EML5: variants seen among roughly 807,000 people sequenced by gnomAD.
EML5 encodes the protein echinoderm microtubule-associated protein-like 5.
In EML5, 120 loss-of-function variants were observed where a neutral mutation model predicts 250.0. The ratio of observed to expected loss-of-function variants is 0.48; its 90% CI spans 0.41 to 0.56. The LOEUF is 0.56. Ranked by LOEUF, EML5 falls within the 20% of genes least tolerant of loss-of-function variation. The pLI is 0.00. For synonymous variants in EML5, 771 were observed against 806.5 expected, an observed-to-expected ratio of 0.96 and a Z score of 0.75; for missense variants, 2,006 against 2,437.6, an observed-to-expected ratio of 0.82 and a Z score of 3.73.
At chr14:88,767,074 G>A (rs1388283597) in intron 1 of EML5, among the ~76,000 whole-genome samples, 10 of 152,066 alleles carry the variant, frequency 6.6e-5, no homozygotes, top group Admixed American at 2.6e-4. Context: ...TGAGCACTTC[G>A]AATATTAAGT....
At chr14:88,650,349 G>C (rs1034679558) in intron 27 of EML5, among the ~76,000 whole-genome samples, 2 of 152,122 alleles carry the variant, frequency 1.3e-5, no homozygotes, top group Non-Finnish European at 2.9e-5. Context: ...AGTTACTCAG[G>C]AGGCTGAGGC....
In EML5 at chr14:88,620,772, C is replaced by T. The variant is rs1395422739; in HGVS notation, c.5357G>A (p.Cys1786Tyr). 2.5e-6 allele frequency: 4 copies of T among 1,597,912 alleles called. No homozygotes were observed. The highest frequency in any genetic ancestry group is 2.7e-5 in the African/African-American group (2 of 73,868). The change falls in exon 39 of 44, where the codon TGT becomes TAT. Residue 1786 changes from cysteine to tyrosine, a missense_variant. Cys to Tyr is a radical substitution (Grantham distance 194). Coordinates refer to ENST00000554922, the MANE Select transcript of EML5 (RefSeq NM_183387.3). The surrounding 1 kb of genome is among the most constrained non-coding windows in gnomAD (Gnocchi z 4.3). ...CACTAACCTGATATCATGGATTGCA[C>T]ATCTCCTGTCTCTCTTCTTTCCCCA... ...KIWGKKRDRR[C>Y]AIHDIRFSPD...
At position 88,687,325 on chromosome 14, in the gene EML5, C is replaced by G. The variant is rs775589897; in HGVS notation, c.2745G>C (p.Gly915=). 1.3e-6 allele frequency: 2 copies of G among 1,581,544 alleles called. No individual in the cohort carries two copies. The highest frequency in any genetic ancestry group is 4.5e-5 in the East Asian group (2 of 44,416). Residue 915 remains glycine, a splice_region_variant and synonymous_variant, in exon 19 of 44, where the codon GGG becomes GGC. Transcript: ENST00000554922. ...PVFSMHALEK[G]FVTGGKDGIV... is the part of the protein sequence containing the mutation. ...TACCATCTTTTCCTCCAGTTACAAA[C>G]CCCTATGGAAAAAAAAAGGTTCAAG...
At chr14:88,724,580 C>T (rs2093639026) in intron 8 of EML5, among the ~76,000 whole-genome samples, 1 of 151,154 alleles carries the variant, frequency 6.6e-6, no homozygotes, top group Non-Finnish European at 1.5e-5. Context: ...AAAAAAAAAT[C>T]ACTACTTTTG....
At chr14:88,790,161 A>G (rs1425652847) in intron 1 of EML5, among the ~76,000 whole-genome samples, 2 of 152,188 alleles carry the variant, frequency 1.3e-5, no homozygotes, top group East Asian at 3.8e-4. Context: ...AAATGTCCAG[A>G]GCCCTTTCAC....
Position 88,690,935 on chromosome 14 carries a change from T to C in EML5, c.2540-2462A>G, listed in dbSNP as rs549061268. Among the ~76,000 whole-genome samples, 6 of 152,288 alleles carry C rather than the reference T, an allele frequency of 3.9e-5. No individual in the cohort carries two copies. The East Asian group carries it at 9.6e-4, about 24-fold the overall frequency. ...TGCCACTACCTGTTTTTGTACAATG[T>C]CCACTAGAGCAGGTTAGCACTCTGA... On this transcript the variant is annotated intron_variant, in intron 17 of 43. Coordinates refer to ENST00000554922, the MANE Select transcript of EML5 (RefSeq NM_183387.3).
At chr14:88,726,451 T>C in intron 8 of EML5, 90 bp downstream of exon 8, 1 of 1,084,918 alleles carries the variant, frequency 9.2e-7, no homozygotes, top group Non-Finnish European at 1.2e-6. Flanking sequence ...ACAACAAGTA[T>C]TATATATTCT....
At chr14:88,749,283 A>G (rs1483178241) in intron 2 of EML5, among the ~76,000 whole-genome samples, 2 of 152,222 alleles carry the variant, frequency 1.3e-5, no homozygotes, top group African/African-American at 2.4e-5. Flanking sequence ...ATGGACAAAC[A>G]GTTTAAAGTG....
In EML5 at chr14:88,618,305, A is replaced by G. The variant is rs1443551099; in HGVS notation, c.5565T>C (p.His1855=). 4 of 1,613,676 alleles carry G rather than the reference A, an allele frequency of 2.5e-6. No homozygotes were observed. The highest frequency in any genetic ancestry group is 2.2e-5 in the East Asian group (1 of 44,870). ...LQVSSGCYKR[H]VYEVPSGKHL... ...GTTTTCCTGAAGGCACTTCATAGAC[A>G]TGCCGTTTATAGCAGCCACTAGAGA... Residue 1855 remains histidine (H), a synonymous_variant, in exon 41 of 44, where the codon CAT becomes CAC. Coordinates refer to ENST00000554922, the MANE Select transcript of EML5 (RefSeq NM_183387.3).
intron 41 of EML5, 161 bp from the exon 42 acceptor site, chr14:88,617,040 G>T: frequency 1.9e-6 from 1 of 517,940 alleles, no homozygotes; most frequent in Non-Finnish European, 3.3e-6. Context: ...ATTTCATCAG[G>T]ATATCAACTC....
In EML5 at chr14:88,658,207, A is replaced by G; in HGVS notation, c.3857T>C (p.Ile1286Thr). Reference sequence around the variant, plus strand: ...CGTACCCCCATCTTCTTCAGAATCAATGTCGGATTCTTCACTATCACAAGG... The same window carrying G: ...CGTACCCCCATCTTCTTCAGAATCAGTGTCGGATTCTTCACTATCACAAGG... ...KRPCDSEESD[I>T]DSEEDGGYDS... is the part of the protein sequence containing the mutation. Residue 1286 changes from isoleucine to threonine, a missense_variant, in exon 26 of 44, where the codon ATT becomes ACT. Ile to Thr is a moderately conservative substitution (Grantham distance 89). This residue lies in a region of EML5 where 1,375 missense variants were observed against 1,590.3 expected (regional missense o/e 0.86). Transcript: ENST00000554922. 6.2e-7 allele frequency: 1 copy of G among 1,613,746 alleles called. No individual in the cohort carries two copies. Among genetic ancestry groups the G allele is most frequent in the Non-Finnish European group, 8.5e-7 (1 of 1,179,764 alleles).
At chr14:88,625,332 T>C (rs2089757009) in intron 35 of EML5, 1 of 540,394 alleles carries the variant, frequency 1.9e-6, no homozygotes, top group Admixed American at 3.4e-5. Context: ...TCCAAGTCTG[T>C]TGCTTATTAG....
intron 21 of EML5, 81 bp downstream of exon 21, chr14:88,681,809 G>T: frequency 7.1e-7 from 1 of 1,404,960 alleles, no homozygotes; most frequent in Non-Finnish European, 9.4e-7. Flanking sequence ...TTTAAAATGT[G>T]CCTAGTTTTG....
chr14:88,640,484 A>T (rs927067118), intron 31 of EML5, among the ~76,000 whole-genome samples: 8 of 152,110 alleles, frequency 5.3e-5, no homozygotes, highest in South Asian at 2.1e-4. Context: ...GCAAAAATTT[A>T]AAAAAAATCT....
At chr14:88,627,073 G>A (rs780408575) in intron 34 of EML5, 27 bp from the exon 35 acceptor site, 1 of 1,607,700 alleles carries the variant, frequency 6.2e-7, no homozygotes, top group East Asian at 2.2e-5. Context: ...AAATTATCTA[G>A]GTTATTACAA....
At chr14:88,769,104 G>C (rs891111139) in intron 1 of EML5, among the ~76,000 whole-genome samples, 2 of 152,126 alleles carry the variant, frequency 1.3e-5, no homozygotes, top group African/African-American at 2.4e-5. Flanking sequence ...TAGCATATCT[G>C]AGCTATTAAA....
rs2087329685 is a variant in EML5, at chr14:88,614,798, T to C, written c.*1020A>G. On this transcript the variant is annotated 3_prime_UTR_variant, in exon 44 of 44. Coordinates refer to ENST00000554922, the MANE Select transcript of EML5 (RefSeq NM_183387.3). Reference sequence around the variant, plus strand: ...ATTCTAACTGACAAGTTTTTACAAATGGAGTTGGGCTCATTCATTTTGGAA... The same window carrying C: ...ATTCTAACTGACAAGTTTTTACAAACGGAGTTGGGCTCATTCATTTTGGAA... 1 of 152,188 alleles carries C rather than the reference T, an allele frequency of 6.6e-6. No homozygotes were observed. Among genetic ancestry groups the C allele is most frequent in the African/African-American group, 2.4e-5 (1 of 41,452 alleles). 9.4% of individuals were successfully genotyped at this position (152,188 alleles called of 1,614,324 possible).
At chr14:88,774,659 C>T (rs903674848) in intron 1 of EML5, among the ~76,000 whole-genome samples, 5 of 152,146 alleles carry the variant, frequency 3.3e-5, no homozygotes, top group Admixed American at 6.6e-5. Flanking sequence ...TGGTTTTTCT[C>T]GTGTTTCTCT....
rs550772637 is a variant in EML5, at chr14:88,729,569, T to G, written c.1050-2891A>C. 2.8e-3 allele frequency among the ~76,000 whole-genome samples: 425 copies of G among 150,322 alleles called. 18 individuals are homozygous for G. In the South Asian group the frequency reaches 0.071, roughly 25 times the overall value. ...CATATACTTATTTGGTTTTTTGTTT[T>G]TTGTTTTTTTGAGACAGAGTCTCAC... On this transcript the variant is annotated intron_variant, in intron 7 of 43. Coordinates refer to ENST00000554922, the MANE Select transcript of EML5 (RefSeq NM_183387.3).
Sources: gnomAD v4.1 joint callset for allele counts (sites outside exome capture counted in the v4.1 genomes callset) on GRCh38, gnomAD v4.1.1 for gene constraint, gnomAD v4.1.1 regional missense constraint, Gnocchi (gnomAD v3.1) non-coding constraint, MANE v1.5 for transcripts, NCBI Gene and HGNC (gene_info 2026-07-23, HGNC 2026-07-21) for gene names.